The following ITPR2 variants were observed in gnomAD, a reference collection of about 807,000 sequenced individuals.
The protein encoded by ITPR2 is inositol 1,4,5-trisphosphate receptor type 2, also known as inositol 1,4,5-trisphosphate-gated calcium channel ITPR2.
Under a neutral mutation model 317.1 loss-of-function variants are expected in ITPR2, and 207 were observed. The ratio of observed to expected loss-of-function variants is 0.65; its 90% confidence interval spans 0.58 to 0.73. ITPR2 has a LOEUF of 0.73. Ranked by LOEUF, ITPR2 falls within the 30% of genes least tolerant of loss-of-function variation. The pLI is 0.00. For missense variants in ITPR2, 2,613 were observed against 3,284.0 expected, an observed-to-expected ratio of 0.80 and a Z score of 4.99; for synonymous variants, 1,156 against 1,149.1, an observed-to-expected ratio of 1.01 and a Z score of -0.12.
intron 55 of ITPR2, among the ~76,000 whole-genome samples, chr12:26,376,731 CTCTT>C (rs767786903): frequency 1.3e-5 from 2 of 148,638 alleles, no homozygotes; most frequent in Non-Finnish European, 3.0e-5. Flanking sequence ...TCCTTTCTTT[CTCTT>C]TCTCTCTCTT....
At chr12:26,511,093 C>CT (rs1488145645) in intron 37 of ITPR2, among the ~76,000 whole-genome samples, 2 of 152,300 alleles carry the variant, frequency 1.3e-5, no homozygotes, top group East Asian at 3.9e-4. Context: ...TTCTCAGTCT[C>CT]TTTTTTCCTG....
At chr12:26,766,687 A>G in intron 2 of ITPR2, among the ~76,000 whole-genome samples, 1 of 152,156 alleles carries the variant, frequency 6.6e-6, no homozygotes, top group East Asian at 1.9e-4. Context: ...CTAAGAAATC[A>G]CTGCCTAACC....
At chr12:26,514,701 C>T (rs1024473034) in intron 37 of ITPR2, among the ~76,000 whole-genome samples, 2 of 152,154 alleles carry the variant, frequency 1.3e-5, no homozygotes, top group Admixed American at 1.3e-4. Flanking sequence ...TGCCAAGAAC[C>T]GTATGTTAAA....
intron 21 of ITPR2, among the ~76,000 whole-genome samples, chr12:26,651,110 C>G (rs1395755276): frequency 6.6e-6 from 1 of 152,108 alleles, no homozygotes; most frequent in African/African-American, 2.4e-5. Context: ...GATAATTACA[C>G]CATGTAGATT....
chr12:26,793,504 A>G (rs774796558), intron 1 of ITPR2, among the ~76,000 whole-genome samples: 5 of 152,020 alleles, frequency 3.3e-5, no homozygotes, highest in Non-Finnish European at 7.4e-5. Context: ...CTCCCACAAT[A>G]CTCTAGGCTA....
Position 26,621,186 on chromosome 12 carries a change from G to A in ITPR2, c.3399C>T (p.Ser1133=). ...CTATTTCTCCATTCTCATAGTTGCT[G>A]CTCTTCTCCACCCATAGCTCAGACT... is the stretch of plus-strand genomic sequence containing the variant. ...VEKSELWVEK[S]SNYENGEIGE... is the part of the protein sequence containing the mutation. Residue 1133 remains serine (S), a synonymous_variant, in exon 26 of 57, where the codon AGC becomes AGT. Coordinates refer to ENST00000381340, the MANE Select transcript of ITPR2 (RefSeq NM_002223.4). The A allele has an allele frequency of 6.2e-7, 1 of 1,613,786 alleles. No homozygotes were observed. Among genetic ancestry groups the A allele is most frequent in the Non-Finnish European group, 8.5e-7 (1 of 1,179,818 alleles).
intron 37 of ITPR2, among the ~76,000 whole-genome samples, chr12:26,544,478 A>G (rs10842753): frequency 0.5 from 75,776 of 151,184 alleles, 23,765 homozygotes; most frequent in Non-Finnish European, 0.71. Context: ...CCCAGGGTTG[A>G]GAATTGCTTT....
chr12:26,500,121 A>C (rs532107901), intron 37 of ITPR2, among the ~76,000 whole-genome samples: 1 of 152,366 alleles, frequency 6.6e-6, no homozygotes, highest in South Asian at 2.1e-4. Flanking sequence ...GTTCTGACTT[A>C]AGCGGTGAGA....
At chr12:26,348,165 C>A (rs1047687090) in intron 55 of ITPR2, among the ~76,000 whole-genome samples, 2 of 152,224 alleles carry the variant, frequency 1.3e-5, no homozygotes, top group African/African-American at 4.8e-5. Flanking sequence ...CCTCTCTTTG[C>A]ACTTTTTGTC....
intron 37 of ITPR2, among the ~76,000 whole-genome samples, chr12:26,526,355 G>A (rs1943808295): frequency 6.6e-6 from 1 of 152,146 alleles, no homozygotes. Flanking sequence ...GAATAGCCAA[G>A]GGAATGGTAT....
intron 37 of ITPR2, among the ~76,000 whole-genome samples, chr12:26,503,324 T>C (rs1014774537): frequency 6.6e-6 from 1 of 152,076 alleles, no homozygotes; most frequent in Non-Finnish European, 1.5e-5. Flanking sequence ...TACTTATCAA[T>C]CAATGCAATA....
chr12:26,771,935 T>C (rs896977011), intron 2 of ITPR2, among the ~76,000 whole-genome samples: 2 of 152,076 alleles, frequency 1.3e-5, no homozygotes, highest in African/African-American at 4.8e-5. Flanking sequence ...AATGCATTAA[T>C]AGAATATAAA....
At chr12:26,481,507 A>C (rs1454700392) in intron 42 of ITPR2, among the ~76,000 whole-genome samples, 1 of 152,250 alleles carries the variant, frequency 6.6e-6, no homozygotes, top group Non-Finnish European at 1.5e-5. Context: ...ATAGAATTTC[A>C]GAGAATACTG....
At chr12:26,361,361 A>G (rs1399088783) in intron 55 of ITPR2, among the ~76,000 whole-genome samples, 1 of 152,196 alleles carries the variant, frequency 6.6e-6, no homozygotes, top group Non-Finnish European at 1.5e-5. Context: ...TGGTTTATAT[A>G]TCATATAAGA....
chr12:26,724,752 G>T lies in ITPR2; in HGVS notation c.280-10C>A. The T allele has an allele frequency of 6.3e-7, 1 of 1,584,506 alleles. No homozygotes were observed. The highest frequency in any genetic ancestry group is 8.6e-7 in the Non-Finnish European group (1 of 1,157,354). ...CCAGTTCTGCAGCGTGCTATAAGAT[G>T]ATTATCAAATATTCAGTGTAGAAAT... On this transcript the variant is annotated splice_polypyrimidine_tract_variant and intron_variant, in intron 3 of 56. Coordinates refer to ENST00000381340, the MANE Select transcript of ITPR2 (RefSeq NM_002223.4).
chr12:26,575,323 T>C (rs905871164), intron 34 of ITPR2, among the ~76,000 whole-genome samples: 1 of 151,632 alleles, frequency 6.6e-6, no homozygotes, highest in African/African-American at 2.4e-5. Flanking sequence ...ATCAGGCTTA[T>C]CTAAATAAGG....
chr12:26,757,941 G>A (rs1949556391), intron 2 of ITPR2, among the ~76,000 whole-genome samples: 1 of 152,184 alleles, frequency 6.6e-6, no homozygotes, highest in African/African-American at 2.4e-5. Context: ...TGACTCTCCT[G>A]TTTGATTATT....
In ITPR2 at chr12:26,602,406, C is replaced by T. The variant is rs540043232; in HGVS notation, c.3642G>A (p.Ser1214=). The change falls in exon 28 of 57, where the codon TCG becomes TCA. Residue 1214 remains serine, a synonymous_variant. Transcript: ENST00000381340. The part of the protein sequence containing the change: ...QRLLKNMGAH[S]VVLDLLQIPY... ...GTATCTGCAGAAGATCCAACACCAC[C>T]GAATGCGCCCCCATATTTTTCAGTA... 8 of 1,613,696 alleles carry T rather than the reference C, an allele frequency of 5.0e-6. No individual in the cohort carries two copies. Among genetic ancestry groups the T allele is most frequent in the African/African-American group, 4.0e-5 (3 of 75,028 alleles).
chr12:26,655,988 A>T (rs143342436), intron 19 of ITPR2, 136 bp from the exon 20 acceptor site: 173 of 842,814 alleles, frequency 2.1e-4, no homozygotes, highest in Admixed American at 8.9e-4. Context: ...CCTCATCTGT[A>T]AAATGGGGCT....
Sources: allele counts gnomAD v4.1 joint callset (sites outside exome capture counted in the v4.1 genomes callset), GRCh38; gene constraint gnomAD v4.1.1; transcripts MANE v1.5; gene names NCBI Gene and HGNC (gene_info 2026-07-23, HGNC 2026-07-21).